The following STRA8 variants were observed in gnomAD, a reference collection of about 807,000 sequenced individuals.
STRA8 encodes the protein stimulated by retinoic acid gene 8 protein homolog.
A neutral mutation model predicts 37.1 loss-of-function variants in STRA8; 18 were observed. The ratio of observed to expected loss-of-function variants is 0.48; its 90% confidence interval spans 0.34 to 0.72. The LOEUF is 0.72. Among genes scored for constraint, STRA8 ranks in the 30% least tolerant of loss-of-function variants. The pLI, the probability that STRA8 is intolerant of heterozygous loss-of-function variation, is 0.01. For synonymous variants in STRA8, 168 were observed against 162.9 expected, an observed-to-expected ratio of 1.03 and a Z score of -0.24; for missense variants, 357 against 410.4, an observed-to-expected ratio of 0.87 and a Z score of 1.13.
chr7:135,254,850 G>A (rs895114531), intron 7 of STRA8, among the ~76,000 whole-genome samples: 8 of 152,172 alleles, frequency 5.3e-5, no homozygotes, highest in Non-Finnish European at 5.9e-5. Flanking sequence ...AGGAACTCTC[G>A]TTCCCTTGTT....
chr7:135,244,891 C>A (rs6957423), intron 4 of STRA8, among the ~76,000 whole-genome samples: 1 of 152,124 alleles, frequency 6.6e-6, no homozygotes, highest in South Asian at 2.1e-4. Context: ...CATTTTATTC[C>A]TGATCAAGAG....
rs7805859 is a variant in STRA8, at chr7:135,240,659, G to A, written c.135G>A (p.Ala45=). 0.44 allele frequency: 704,080 copies of A among 1,613,686 alleles called. 155,741 individuals carry two copies. Among genetic ancestry groups the A allele is most frequent in the South Asian group, 0.54 (49,216 of 91,046 alleles). The change falls in exon 2 of 9, where the codon GCG becomes GCA. Residue 45 remains alanine, a synonymous_variant. Transcript: ENST00000662584. ...SQARHRATLA[A]LFNNLRKTVY... The stretch of plus-strand genomic sequence containing the variant: ...CCCGCCACCGAGCCACCCTGGCAGC[G>A]CTCTTCAACAACCTCAGGAAGACAG...
chr7:135,234,088 G>T (rs1192066777), intron 1 of STRA8, among the ~76,000 whole-genome samples, 185 bp downstream of exon 1: 20 of 148,172 alleles, frequency 1.3e-4, no homozygotes, highest in African/African-American at 4.3e-4. Context: ...GGATGATGAT[G>T]ATGATGATGA....
rs777255734 is a variant in STRA8, at chr7:135,243,320, CA to C, written c.269-4del. Reference sequence around the variant, plus strand: ...TTTGTGTTCCTGGTCTTCAACTCCCCAATAGCATCCTTCAACCTGGAAGATG... The same window carrying C: ...TTTGTGTTCCTGGTCTTCAACTCCCCATAGCATCCTTCAACCTGGAAGATG... On this transcript the variant is annotated splice_region_variant and splice_polypyrimidine_tract_variant and intron_variant, in intron 3 of 8. Transcript: ENST00000662584. 48 of 1,614,036 alleles carry C rather than the reference CA, an allele frequency of 3.0e-5. No homozygotes were observed. The African/African-American group carries it at 6.0e-4, about 20-fold the overall frequency.
intron 7 of STRA8, among the ~76,000 whole-genome samples, chr7:135,253,771 G>T (rs954988218): frequency 6.6e-6 from 1 of 152,208 alleles, no homozygotes; most frequent in African/African-American, 2.4e-5. Context: ...GAAGGCACAG[G>T]TTCTTCAGAT....
At chr7:135,250,727 C>T (rs1264031246) in intron 6 of STRA8, among the ~76,000 whole-genome samples, 1 of 152,212 alleles carries the variant, frequency 6.6e-6, no homozygotes, top group East Asian at 1.9e-4. Context: ...TAAAGTAAAG[C>T]ATGCCCAGTT....
intron 1 of STRA8, among the ~76,000 whole-genome samples, 188 bp downstream of exon 1, chr7:135,234,091 G>T (rs552271706): frequency 0.021 from 3,093 of 148,844 alleles, 80 homozygotes; most frequent in East Asian, 0.074. Flanking sequence ...TGATGATGAT[G>T]ATGATGATGA....
At chr7:135,237,179 G>A (rs546234944) in intron 1 of STRA8, among the ~76,000 whole-genome samples, 2 of 152,256 alleles carry the variant, frequency 1.3e-5, no homozygotes, top group East Asian at 1.9e-4. Context: ...GGTGAGCAGG[G>A]GAGCAAACCA....
intron 8 of STRA8, 63 bp downstream of exon 8, chr7:135,255,288 T>G (rs756952576): frequency 2.3e-6 from 3 of 1,300,062 alleles, no homozygotes; most frequent in South Asian, 1.2e-5. Flanking sequence ...AAAAGGGCTC[T>G]TAAGGGCAGC....
At chr7:135,231,928 G>A (rs562541808), upstream of STRA8, 19 of 1,547,454 alleles carry the variant, frequency 1.2e-5, no homozygotes, top group Admixed American at 3.3e-5. Flanking sequence ...GCTAGTGAGA[G>A]GCCACCAGGA....
intron 3 of STRA8, 143 bp downstream of exon 3, chr7:135,242,999 C>A: frequency 2.2e-6 from 2 of 922,004 alleles, no homozygotes; most frequent in South Asian, 1.6e-5. Flanking sequence ...GTGCTTGGGC[C>A]AATGTTGAGG....
In STRA8 at chr7:135,240,601, A is replaced by C. The variant is rs1250924112; in HGVS notation, c.77A>C (p.Glu26Ala). 6.2e-7 allele frequency: 1 copy of C among 1,614,132 alleles called. No homozygotes were observed. Among genetic ancestry groups the C allele is most frequent in the South Asian group, 1.1e-5 (1 of 91,084 alleles). Residue 26 changes from glutamate to alanine, a missense_variant, in exon 2 of 9, where the codon GAG becomes GCG. Coordinates refer to ENST00000662584, the MANE Select transcript of STRA8 (RefSeq NM_001394401.1). ...CTGCCAGCACAGCTGCAGGAGCTTG[A>C]GCATCGGGTGGCCCGGAGACGGCTG... ...PQLPAQLQELEHRVARRRLSQ... is the reference protein window; with the variant it reads ...PQLPAQLQELAHRVARRRLSQ...
At chr7:135,234,207 A>G (rs1332311052) in intron 1 of STRA8, among the ~76,000 whole-genome samples, 1 of 152,000 alleles carries the variant, frequency 6.6e-6, no homozygotes, top group Non-Finnish European at 1.5e-5. Context: ...CCCGGGTTCA[A>G]GCGATTCTCC....
intron 4 of STRA8, 152 bp downstream of exon 4, chr7:135,243,562 CG>C (rs1343172762): frequency 1.1e-5 from 6 of 570,810 alleles, no homozygotes; most frequent in Non-Finnish European, 1.5e-5. Flanking sequence ...GGAGACCATT[CG>C]TTTCTCTTTT....
intron 7 of STRA8, among the ~76,000 whole-genome samples, 175 bp downstream of exon 7, chr7:135,252,044 G>GTGTGTGTC (rs1832645041): frequency 1.3e-5 from 2 of 151,762 alleles, no homozygotes; most frequent in African/African-American, 4.8e-5. Context: ...GTGTGTGTGT[G>GTGTGTGTC]TGCACCCCTG....
chr7:135,240,384 C>A (rs1317825495), intron 1 of STRA8, 135 bp from the exon 2 acceptor site: 1 of 782,820 alleles, frequency 1.3e-6, no homozygotes. Flanking sequence ...TAACTGAATT[C>A]ATGAGGGAGT....
In STRA8 at chr7:135,251,781, T is replaced by C; in HGVS notation, c.880-15T>C. ...AAGTTATTTCCAACACATGAAGTGTTGTGCTTTCTTTCAGATCCTTTTTGA... is the reference window on the plus strand; with the variant it reads ...AAGTTATTTCCAACACATGAAGTGTCGTGCTTTCTTTCAGATCCTTTTTGA... On this transcript the variant is annotated splice_polypyrimidine_tract_variant and intron_variant, in intron 6 of 8. Transcript: ENST00000662584. 1 of 1,614,058 alleles carries C rather than the reference T, an allele frequency of 6.2e-7. No homozygotes were observed. The highest frequency in any genetic ancestry group is 8.5e-7 in the Non-Finnish European group (1 of 1,179,918).
rs1338033013 is a variant in STRA8 at position 135,243,240 on chromosome 7, C to A, written c.269-86C>A. Reference sequence around the variant, plus strand: ...CCTGGAGGGTTCAGGGTCCCACCCACAGCCCACCTGGGCCAGAAGGGTGGG... The same window carrying A: ...CCTGGAGGGTTCAGGGTCCCACCCAAAGCCCACCTGGGCCAGAAGGGTGGG... On this transcript the variant is annotated intron_variant, in intron 3 of 8. Coordinates refer to ENST00000662584, the MANE Select transcript of STRA8 (RefSeq NM_001394401.1). The A allele has an allele frequency of 4.2e-6, 6 of 1,434,232 alleles. No individual in the cohort carries two copies. The East Asian group carries it at 1.4e-4, about 33-fold the overall frequency. The allele number at this position is 1,434,232 out of a possible 1,614,324, so 88.8% of individuals were successfully genotyped here.
intron 1 of STRA8, among the ~76,000 whole-genome samples, chr7:135,236,843 G>T (rs892363013): frequency 2.6e-5 from 4 of 152,156 alleles, no homozygotes; most frequent in African/African-American, 9.7e-5. Flanking sequence ...CCAGGCAATA[G>T]AATTCTTAGT....
Sources: gnomAD v4.1 joint callset for allele counts (sites outside exome capture counted in the v4.1 genomes callset) on GRCh38, gnomAD v4.1.1 for gene constraint, MANE v1.5 for transcripts, NCBI Gene and HGNC (gene_info 2026-07-23, HGNC 2026-07-21) for gene names.